Variants in SRRM4 observed in about 807,000 individuals in gnomAD.
SRRM4 encodes the protein serine/arginine repetitive matrix 4, also known as serine/arginine repetitive matrix protein 4.
In SRRM4, 33 loss-of-function variants were observed where a neutral mutation model predicts 68.9. That is an observed-to-expected ratio of 0.48 (90% confidence interval 0.36 to 0.64). The LOEUF (loss-of-function observed/expected upper bound fraction) is 0.64, where lower values mean the gene tolerates loss of function less well. Among genes scored for constraint, SRRM4 ranks in the 30% least tolerant of loss-of-function variants. The pLI is 0.00. For synonymous variants in SRRM4, 318 were observed against 318.8 expected (o/e 1.00, Z 0.03); for missense variants, 817 against 827.1 (o/e 0.99, Z 0.15).
intron 1 of SRRM4, among the ~76,000 whole-genome samples, chr12:119,065,550 C>T (rs1156602431): frequency 6.6e-5 from 10 of 152,130 alleles, no homozygotes; most frequent in Non-Finnish European, 1.3e-4. Flanking sequence ...GCCTGGCCAA[C>T]ATAGTGAAAC....
In SRRM4 at chr12:119,161,655, C is replaced by T. The variant is rs994752717; in HGVS notation, c.*4857C>T. On this transcript the variant is annotated 3_prime_UTR_variant, in exon 13 of 13. Transcript: ENST00000267260. ...TGCTATTGAGAATTGGTCCATCTCC[C>T]AGCTCCAGGTGCTGCTGTCTGCAGC... 6.6e-6 allele frequency: 1 copy of T among 152,592 alleles called. No homozygotes were observed. The highest frequency in any genetic ancestry group is 1.5e-5 in the Non-Finnish European group (1 of 68,034). The allele number at this position is 152,592 out of a possible 1,614,324, so 9.5% of individuals were successfully genotyped here. A position where few individuals can be genotyped will look rare whatever the true frequency, so the allele number is the denominator to read the frequency against.
At chr12:119,124,633 A>G (rs954917410) in intron 6 of SRRM4, among the ~76,000 whole-genome samples, 1 of 152,148 alleles carries the variant, frequency 6.6e-6, no homozygotes, top group African/African-American at 2.4e-5. Flanking sequence ...CTGCAGTAAC[A>G]CCACTGTTAG....
chr12:119,084,139 CTG>C (rs1180993366), intron 1 of SRRM4, among the ~76,000 whole-genome samples: 1 of 152,192 alleles, frequency 6.6e-6, no homozygotes, highest in Admixed American at 6.5e-5. Flanking sequence ...CATAGCAAGT[CTG>C]TGGCACAGCT....
At chr12:119,096,312 T>C (rs4767775) in intron 1 of SRRM4, among the ~76,000 whole-genome samples, 11,967 of 151,614 alleles carry the variant, frequency 0.079, 527 homozygotes, top group Admixed American at 0.1. Context: ...GGATTACAGG[T>C]GTGAGCCACC....
chr12:119,070,492 T>A lies in SRRM4; in HGVS notation c.132-31744T>A, dbSNP rs188128178. Among the ~76,000 whole-genome samples the A allele has an allele frequency of 1.2e-4, 19 of 152,168 alleles. 1 individual carries two copies. In the East Asian group the frequency reaches 3.7e-3, roughly 30 times the overall value. On this transcript the variant is annotated intron_variant, in intron 1 of 12. Transcript: ENST00000267260. ...TTTGCCTTGAGGAGCAAAGAGAAGG[T>A]TGAGTGCCCAGATCTCCAAATTACC...
chr12:119,043,775 T>TACACACACACACACACACACACACACAC (rs58053550), intron 1 of SRRM4, among the ~76,000 whole-genome samples: 1 of 141,768 alleles, frequency 7.1e-6, no homozygotes, highest in Non-Finnish European at 1.5e-5. Context: ...CATACACGCA[T>TACACACACACACACACACACACACACAC]ACACACACAC....
chr12:119,070,759 T>C (rs1389198517), intron 1 of SRRM4, among the ~76,000 whole-genome samples: 3 of 152,312 alleles, frequency 2.0e-5, no homozygotes, highest in Admixed American at 2.0e-4. Flanking sequence ...CGTTTTATGG[T>C]CCAAAGTCCA....
Position 119,156,708 on chromosome 12 carries a change from G to A in SRRM4, c.1746G>A (p.Arg582=), listed in dbSNP as rs1471241566. The change falls in exon 13 of 13, where the codon CGG becomes CGA. Residue 582 remains arginine (R), a synonymous_variant. Coordinates refer to ENST00000267260, the MANE Select transcript of SRRM4 (RefSeq NM_194286.4). ...GCCCTAGTCCGGGCTCCCGCAGCCGGAGCCGGAGCAGGAGCCGGAGCCGGA... is the reference window on the plus strand; with the variant it reads ...GCCCTAGTCCGGGCTCCCGCAGCCGAAGCCGGAGCAGGAGCCGGAGCCGGA... ...SRSPSPGSRS[R]SRSRSRSRSR... 1 of 1,547,662 alleles carries A rather than the reference G, an allele frequency of 6.5e-7. No homozygotes were observed.
chr12:119,153,740 C>A (rs1954454477), intron 11 of SRRM4, 91 bp downstream of exon 11: 2 of 932,428 alleles, frequency 2.1e-6, no homozygotes, highest in Non-Finnish European at 3.3e-6. Flanking sequence ...CGTTCTCGGG[C>A]CTTCTTCCTC....
At chr12:119,107,327 G>A (rs1482514774) in intron 2 of SRRM4, among the ~76,000 whole-genome samples, 9 of 152,158 alleles carry the variant, frequency 5.9e-5, no homozygotes, top group African/African-American at 2.2e-4. Context: ...GATGATGCTG[G>A]CTTCATAAAA....
At chr12:119,019,449 T>C (rs1041728794) in intron 1 of SRRM4, among the ~76,000 whole-genome samples, 3 of 152,080 alleles carry the variant, frequency 2.0e-5, no homozygotes, top group East Asian at 3.9e-4. Flanking sequence ...AGGGCTTGAA[T>C]TCCCCCCCTC....
intron 1 of SRRM4, among the ~76,000 whole-genome samples, chr12:118,994,890 A>T (rs557074757): frequency 4.4e-4 from 67 of 152,318 alleles, no homozygotes; most frequent in African/African-American, 1.6e-3. Flanking sequence ...CACTGGGATT[A>T]TACCCCTGAT....
At chr12:118,990,182 G>C (rs1028312845) in intron 1 of SRRM4, among the ~76,000 whole-genome samples, 2 of 152,188 alleles carry the variant, frequency 1.3e-5, no homozygotes, top group Non-Finnish European at 2.9e-5. Context: ...CACATGGCTG[G>C]TAAGAGTCAG....
chr12:119,150,788 C>A (rs144172370), intron 9 of SRRM4, among the ~76,000 whole-genome samples: 3 of 152,190 alleles, frequency 2.0e-5, no homozygotes. Flanking sequence ...GTATGTGTTT[C>A]ACACTTGAGG....
chr12:119,038,510 C>T (rs993197756), intron 1 of SRRM4, among the ~76,000 whole-genome samples: 2 of 152,250 alleles, frequency 1.3e-5, no homozygotes, highest in South Asian at 2.1e-4. Flanking sequence ...CGCACCCGGC[C>T]GAAATTAAAA....
At chr12:119,123,695 G>A (rs543349658) in intron 6 of SRRM4, among the ~76,000 whole-genome samples, 4 of 152,190 alleles carry the variant, frequency 2.6e-5, no homozygotes, top group African/African-American at 9.7e-5. Context: ...CAAGATAAAC[G>A]ATGGCTTATT....
chr12:119,130,633 T>G (rs758022051), intron 7 of SRRM4, 45 bp from the exon 8 acceptor site: 2 of 1,580,970 alleles, frequency 1.3e-6, no homozygotes, highest in Non-Finnish European at 1.7e-6. Context: ...CTCCCTACCA[T>G]GCTCCCCTTC....
In SRRM4 at chr12:119,055,122, C is replaced by T. The variant is rs577142976; in HGVS notation, c.132-47114C>T. 7.2e-5 allele frequency among the ~76,000 whole-genome samples: 11 copies of T among 152,200 alleles called. No homozygotes were observed. The East Asian group carries it at 1.4e-3, about 19-fold the overall frequency. On this transcript the variant is annotated intron_variant, in intron 1 of 12. Coordinates refer to ENST00000267260, the MANE Select transcript of SRRM4 (RefSeq NM_194286.4). ...TGCTGCTCATCATAACAAGAGAGAA[C>T]GGATGCTCAGCAGGGAAATTTATGC...
At chr12:118,993,553 G>A (rs942377763) in intron 1 of SRRM4, among the ~76,000 whole-genome samples, 11 of 152,160 alleles carry the variant, frequency 7.2e-5, no homozygotes, top group African/African-American at 2.7e-4. Context: ...AGACTGAAGG[G>A]GAACAGGCCC....
Sources: gnomAD v4.1 joint callset for allele counts (sites outside exome capture counted in the v4.1 genomes callset) on GRCh38, gnomAD v4.1.1 for gene constraint, MANE v1.5 for transcripts, NCBI Gene and HGNC (gene_info 2026-07-23, HGNC 2026-07-21) for gene names.